The following MEG3 variants were observed in gnomAD, a reference collection of about 807,000 sequenced individuals.
MEG3 encodes the protein maternally expressed 3, also known as Very putative protein from MEG3 locus.
exon 1 of MEG3, chr14:100,834,608 C>A: frequency 2.2e-6 from 1 of 445,660 alleles, no homozygotes; most frequent in South Asian, 1.6e-5. Flanking sequence ...CTCTCAATAT[C>A]TCCCTCTCTT....
rs2037636525 is a variant in MEG3 at position 100,837,868 on chromosome 14, G to C, written n.3045+1568G>C. On this transcript the variant is annotated intron_variant and non_coding_transcript_variant, in intron 2 of 3. Transcript: ENST00000398461. The surrounding 1 kb of genome is among the most constrained non-coding windows in gnomAD (Gnocchi z 5.8). ...GCTCTAACCTGGGGCTGTTGCCTTTGTCTGCTTGTTTCTGCTCTCTGGAGA... is the reference window on the plus strand; with the variant it reads ...GCTCTAACCTGGGGCTGTTGCCTTTCTCTGCTTGTTTCTGCTCTCTGGAGA... Among the ~76,000 whole-genome samples, 3 of 152,020 alleles carry C rather than the reference G, an allele frequency of 2.0e-5. No homozygotes were observed. Among genetic ancestry groups the C allele is most frequent in the African/African-American group, 7.2e-5 (3 of 41,384 alleles).
chr14:100,840,292 G>A (rs2037712855), intron 2 of MEG3, among the ~76,000 whole-genome samples: 1 of 152,200 alleles, frequency 6.6e-6, no homozygotes, highest in Non-Finnish European at 1.5e-5. Context: ...ACTCTGAGCA[G>A]TGAATAGGGT....
intron 3 of MEG3, chr14:100,846,353 C>G (rs1283628937): frequency 6.6e-6 from 1 of 152,210 alleles, no homozygotes; most frequent in Admixed American, 6.5e-5. Flanking sequence ...AACGTGGGCC[C>G]TCATCTCAGA....
chr14:100,844,877 C>T (rs575226069), intron 2 of MEG3, among the ~76,000 whole-genome samples: 9 of 152,346 alleles, frequency 5.9e-5, no homozygotes, highest in South Asian at 2.1e-4. Context: ...ACTGAAGACT[C>T]GATGTGCCTG....
upstream of MEG3, chr14:100,857,013 C>T (rs1260540574): frequency 3.3e-5 from 5 of 152,096 alleles, no homozygotes; most frequent in African/African-American, 1.2e-4. Context: ...CGAGTGGTAG[C>T]GCTTACGTTT....
chr14:100,860,791 T>G (rs2038383659), exon 2 of MEG3: 1 of 442,710 alleles, frequency 2.3e-6, no homozygotes, highest in South Asian at 1.6e-5. Flanking sequence ...ACCCGCCCTC[T>G]GACTGATGGA....
intron 1 of MEG3, among the ~76,000 whole-genome samples, chr14:100,827,110 T>C (rs1204168881): frequency 1.3e-5 from 2 of 152,138 alleles, no homozygotes; most frequent in Non-Finnish European, 2.9e-5. Flanking sequence ...CTTCAGAGCG[T>C]TGCGTGGTGG....
chr14:100,841,429 C>T (rs751682918), intron 2 of MEG3, among the ~76,000 whole-genome samples: 3 of 152,232 alleles, frequency 2.0e-5, no homozygotes, highest in Non-Finnish European at 4.4e-5. Flanking sequence ...CTTCAGGCCT[C>T]CCTGGAGGTC....
At chr14:100,848,810 A>AT (rs1459083793) in intron 3 of MEG3, 1 of 152,224 alleles carries the variant, frequency 6.6e-6, no homozygotes, top group African/African-American at 2.4e-5. Flanking sequence ...GAATGGGAAA[A>AT]TTGGAAGAAC....
intron 2 of MEG3, among the ~76,000 whole-genome samples, chr14:100,838,649 G>A (rs1472208203): frequency 6.6e-6 from 1 of 152,132 alleles, no homozygotes; most frequent in East Asian, 1.9e-4. Context: ...GGGGTCTCTG[G>A]CCATTTGTCA....
upstream of MEG3, chr14:100,853,944 T>C (rs1475668018): frequency 4.6e-5 from 7 of 152,160 alleles, no homozygotes; most frequent in East Asian, 1.3e-3. Context: ...AGACTATAAA[T>C]AAATGATGAA....
At chr14:100,831,566 A>C (rs2037397054), downstream of MEG3, 1 of 152,478 alleles carries the variant, frequency 6.6e-6, no homozygotes, top group Admixed American at 6.5e-5. Context: ...AATCCTTGTC[A>C]TGTTTTCGGC....
At chr14:100,860,623 C>T (rs557285107) in intron 1 of MEG3, 8 of 456,356 alleles carry the variant, frequency 1.8e-5, no homozygotes, top group South Asian at 1.2e-4. Flanking sequence ...GCCTGTCTGT[C>T]TGTGAACTCT....
chr14:100,847,960 T>A (rs2037964094), intron 3 of MEG3: 1 of 151,978 alleles, frequency 6.6e-6, no homozygotes, highest in Non-Finnish European at 1.5e-5. Flanking sequence ...AAGGAAGTAA[T>A]GAGTGAGACG....
exon 2 of MEG3, chr14:100,860,805 C>T (rs1194599358): frequency 2.5e-5 from 11 of 431,410 alleles, no homozygotes; most frequent in Middle Eastern, 3.5e-4. Context: ...TGATGGACGC[C>T]GCTGACCTGG....
intron 2 of MEG3, among the ~76,000 whole-genome samples, chr14:100,843,842 T>G (rs956017338): frequency 5.5e-5 from 8 of 145,804 alleles, no homozygotes; most frequent in Admixed American, 2.0e-4. Flanking sequence ...TGTTTTTTTT[T>G]TTTTTTTTTT....
At chr14:100,842,345 G>C (rs2037785217) in intron 2 of MEG3, among the ~76,000 whole-genome samples, 1 of 152,202 alleles carries the variant, frequency 6.6e-6, no homozygotes, top group African/African-American at 2.4e-5. Context: ...CCAGGAAGAG[G>C]CGTATGTAAA....
chr14:100,842,418 A>G (rs951730156), intron 2 of MEG3, among the ~76,000 whole-genome samples: 1 of 152,168 alleles, frequency 6.6e-6, no homozygotes, highest in African/African-American at 2.4e-5. Flanking sequence ...GAGAGAGGGG[A>G]CATGATTTCA....
chr14:100,852,836 G>A (rs932704421), upstream of MEG3: 1 of 181,416 alleles, frequency 5.5e-6, no homozygotes, highest in Non-Finnish European at 1.2e-5. Flanking sequence ...TGTCCTGACG[G>A]GTCACAGTGG....
Sources: allele counts gnomAD v4.1 joint callset (sites outside exome capture counted in the v4.1 genomes callset), GRCh38; gene constraint gnomAD v4.1.1; non-coding constraint Gnocchi (gnomAD v3.1); transcripts MANE v1.5; gene names NCBI Gene and HGNC (gene_info 2026-07-23, HGNC 2026-07-21).